The following IFNGR2 variants were observed in gnomAD, a reference collection of about 807,000 sequenced individuals.
IFNGR2 encodes the protein interferon gamma receptor 2.
Under a neutral mutation model 41.1 loss-of-function variants are expected in IFNGR2, and 15 were observed. That is an observed-to-expected ratio of 0.37 (90% CI 0.24 to 0.56). The LOEUF (loss-of-function observed/expected upper bound fraction) is 0.56, where lower values mean the gene tolerates loss of function less well. Ranked by LOEUF, IFNGR2 falls within the 20% of genes least tolerant of loss-of-function variation. The probability of loss-of-function intolerance (pLI) is 0.81; values close to 1 mark genes in which losing one functional copy is unlikely to be tolerated. For missense variants in IFNGR2, 362 were observed against 415.7 expected (o/e 0.87, Z 1.12); for synonymous variants, 161 against 171.6 (o/e 0.94, Z 0.48).
At chr21:33,427,176 T>G in intron 4 of IFNGR2, 144 bp downstream of exon 4, 1 of 775,418 alleles carries the variant, frequency 1.3e-6, no homozygotes, top group Non-Finnish European at 2.2e-6. Flanking sequence ...GAGCCTGTTT[T>G]CATTGTCCTC....
intron 2 of IFNGR2, among the ~76,000 whole-genome samples, chr21:33,419,626 G>A (rs570688192): frequency 6.6e-6 from 1 of 152,244 alleles, no homozygotes; most frequent in Non-Finnish European, 1.5e-5. Flanking sequence ...CACATGTGTT[G>A]TATTTAACTT....
intron 2 of IFNGR2, among the ~76,000 whole-genome samples, chr21:33,419,539 T>C (rs2083776527): frequency 6.6e-6 from 1 of 152,214 alleles, no homozygotes; most frequent in African/African-American, 2.4e-5. Flanking sequence ...TTATTTTAAC[T>C]TGATGTAGTT....
At chr21:33,426,308 G>A (rs1360367817) in intron 3 of IFNGR2, among the ~76,000 whole-genome samples, 1 of 152,092 alleles carries the variant, frequency 6.6e-6, no homozygotes, top group African/African-American at 2.4e-5. Context: ...AGCTACATGA[G>A]AGGCTGAGGC....
Position 33,432,277 on chromosome 21 carries a change from G to C in IFNGR2, c.662G>C (p.Ser221Thr). 6.2e-7 allele frequency: 1 copy of C among 1,614,120 alleles called. No individual in the cohort carries two copies. Among genetic ancestry groups the C allele is most frequent in the Non-Finnish European group, 8.5e-7 (1 of 1,179,946 alleles). The change falls in exon 5 of 7, where the codon AGT (serine) becomes ACT (threonine). Residue 221 changes from serine (S) to threonine (T), a missense_variant. Transcript: ENST00000290219. ...CAGGCACAACTGCTTTGGAACAAAA[G>C]TAACATCTTTAGAGTCGGGCATTTA... ...QVQAQLLWNK[S>T]NIFRVGHLSN...
At chr21:33,427,602 C>T (rs2083849456) in intron 4 of IFNGR2, among the ~76,000 whole-genome samples, 1 of 152,084 alleles carries the variant, frequency 6.6e-6, no homozygotes, top group Non-Finnish European at 1.5e-5. Flanking sequence ...GACAGAGGTG[C>T]ATGACATCAG....
chr21:33,411,374 G>C (rs1601069484), intron 1 of IFNGR2: 1 of 463,584 alleles, frequency 2.2e-6, no homozygotes, highest in Non-Finnish European at 4.5e-6. Context: ...TGAATGCTTA[G>C]ACTGGGGAAC....
intron 3 of IFNGR2, among the ~76,000 whole-genome samples, chr21:33,424,053 C>T (rs1379218209): frequency 6.6e-6 from 1 of 152,110 alleles, no homozygotes; most frequent in Non-Finnish European, 1.5e-5. Context: ...GCAATCCCAG[C>T]ACTTTGGGAA....
chr21:33,422,172 C>A (rs1471803525), intron 3 of IFNGR2, among the ~76,000 whole-genome samples: 1 of 152,196 alleles, frequency 6.6e-6, no homozygotes, highest in Non-Finnish European at 1.5e-5. Context: ...TGAATGGTGC[C>A]TGGCATGTAG....
chr21:33,417,439 A>G (rs1242779109), intron 2 of IFNGR2, among the ~76,000 whole-genome samples: 1 of 152,150 alleles, frequency 6.6e-6, no homozygotes, highest in African/African-American at 2.4e-5. Context: ...CTTAATAGAA[A>G]CAGGTGCTAA....
intron 5 of IFNGR2, 106 bp downstream of exon 5, chr21:33,432,442 C>A: frequency 8.8e-7 from 1 of 1,134,544 alleles, no homozygotes; most frequent in East Asian, 2.4e-5. Flanking sequence ...AGTGGGGAGA[C>A]CCAGTGAGAA....
chr21:33,429,139 C>CT (rs1434468856), intron 4 of IFNGR2, among the ~76,000 whole-genome samples: 3 of 152,172 alleles, frequency 2.0e-5, no homozygotes, highest in Non-Finnish European at 4.4e-5. Context: ...TGAAGAGGAG[C>CT]AGCCGTGAGG....
At chr21:33,426,442 G>A (rs1477625015) in intron 3 of IFNGR2, among the ~76,000 whole-genome samples, 1 of 151,800 alleles carries the variant, frequency 6.6e-6, no homozygotes, top group East Asian at 1.9e-4. Flanking sequence ...AAATAGGCCA[G>A]GCGCGGTGGC....
intron 4 of IFNGR2, among the ~76,000 whole-genome samples, chr21:33,428,209 A>ATT (rs34770974): frequency 0.1 from 14,326 of 140,162 alleles, 830 homozygotes; most frequent in East Asian, 0.24. Context: ...CTTCTCCTTC[A>ATT]TTTTTTTTTT....
chr21:33,429,038 G>A (rs2083863549), intron 4 of IFNGR2, among the ~76,000 whole-genome samples: 1 of 152,126 alleles, frequency 6.6e-6, no homozygotes, highest in Non-Finnish European at 1.5e-5. Context: ...TCCACTGCCT[G>A]GGACCCGCTT....
chr21:33,417,412 C>T lies in IFNGR2; in HGVS notation c.206+2392C>T, dbSNP rs1400644625. ...CGTTTCTTATTTGTTTTTAAATGTC[C>T]GTTGTAACAGTATTTGCTTAATAGA... is the stretch of plus-strand genomic sequence containing the variant. On this transcript the variant is annotated intron_variant, in intron 2 of 6. Transcript: ENST00000290219. Among the ~76,000 whole-genome samples the T allele has an allele frequency of 6.6e-5, 10 of 152,168 alleles. No individual in the cohort carries two copies. The South Asian group carries it at 1.2e-3, about 19-fold the overall frequency.
Position 33,403,537 on chromosome 21 carries a change from C to T in IFNGR2, c.-7C>T, listed in dbSNP as rs1568947346. 7.7e-7 allele frequency: 1 copy of T among 1,303,904 alleles called. No individual in the cohort carries two copies. The highest frequency in any genetic ancestry group is 9.8e-7 in the Non-Finnish European group (1 of 1,019,172). 80.8% of individuals were successfully genotyped at this position (1,303,904 alleles called of 1,614,324 possible). On this transcript the variant is annotated 5_prime_UTR_variant, in exon 1 of 7. Transcript: ENST00000290219. ...GCGACCTGAGCCGCCGCCGAGCGCC[C>T]GGGGCCATGCGACCGACGCTGCTGT... is the stretch of plus-strand genomic sequence containing the variant.
chr21:33,415,540 G>T (rs1298102019), intron 2 of IFNGR2, among the ~76,000 whole-genome samples: 2 of 152,108 alleles, frequency 1.3e-5, no homozygotes, highest in East Asian at 1.9e-4. Flanking sequence ...CACTTGATTT[G>T]CAATATAAAT....
chr21:33,411,226 A>G (rs2083713325), intron 1 of IFNGR2, among the ~76,000 whole-genome samples: 1 of 152,226 alleles, frequency 6.6e-6, no homozygotes, highest in Admixed American at 6.5e-5. Context: ...CGGAAAATGA[A>G]GGAAATGGAA....
In IFNGR2 at chr21:33,437,266, T is replaced by G; in HGVS notation, c.*304T>G. ...TAGCAAAATGGATATGACACATCTC[T>G]GATACTTTTTTCATTATTGGTTGGG... On this transcript the variant is annotated 3_prime_UTR_variant, in exon 7 of 7. Coordinates refer to ENST00000290219, the MANE Select transcript of IFNGR2 (RefSeq NM_005534.4). 1 of 335,866 alleles carries G rather than the reference T, an allele frequency of 3.0e-6. No homozygotes were observed. Among genetic ancestry groups the G allele is most frequent in the East Asian group, 6.9e-5 (1 of 14,406 alleles). The allele number at this position is 335,866 out of a possible 1,614,324, so 20.8% of individuals were successfully genotyped here.
Sources: gnomAD v4.1 joint callset for allele counts (sites outside exome capture counted in the v4.1 genomes callset) on GRCh38, gnomAD v4.1.1 for gene constraint, MANE v1.5 for transcripts, NCBI Gene and HGNC (gene_info 2026-07-23, HGNC 2026-07-21) for gene names.